Variants in CEP152 observed in about 807,000 individuals in gnomAD.
CEP152 encodes the protein centrosomal protein of 152 kDa.
A neutral mutation model predicts 188.9 loss-of-function variants in CEP152; 132 were observed. That is an observed-to-expected ratio of 0.70 (90% CI 0.61 to 0.81). CEP152 has a LOEUF of 0.81. CEP152 is among the 30% of genes least tolerant of loss of function. CEP152 has a pLI of 0.00. For missense variants in CEP152, 1,914 were observed against 1,969.8 expected, an observed-to-expected ratio of 0.97 and a Z score of 0.54; for synonymous variants, 649 against 666.6, an observed-to-expected ratio of 0.97 and a Z score of 0.41.
chr15:48,755,171 T>C (rs1040716072), intron 20 of CEP152, among the ~76,000 whole-genome samples: 8 of 152,216 alleles, frequency 5.3e-5, no homozygotes, highest in African/African-American at 1.9e-4. Flanking sequence ...AATTAAAAGC[T>C]GGTCTCAGAG....
intron 7 of CEP152, among the ~76,000 whole-genome samples, chr15:48,792,865 G>T (rs1161354062): frequency 6.6e-6 from 1 of 150,890 alleles, no homozygotes; most frequent in African/African-American, 2.4e-5. Context: ...CACCCAGCCT[G>T]AAGTGCAATG....
intron 2 of CEP152, among the ~76,000 whole-genome samples, chr15:48,805,214 T>C (rs1350777626): frequency 1.3e-5 from 2 of 152,212 alleles, no homozygotes. Context: ...GGATGTAAAC[T>C]ACCCAAAGCA....
chr15:48,791,727 G>T (rs1896998546), intron 7 of CEP152, among the ~76,000 whole-genome samples: 1 of 151,854 alleles, frequency 6.6e-6, no homozygotes, highest in South Asian at 2.1e-4. Flanking sequence ...ATATTGGCCA[G>T]GCTAGTCTCG....
At chr15:48,732,805 C>CAAGT (rs1343254796) in intron 2 of CEP152, among the ~76,000 whole-genome samples, 1 of 151,946 alleles carries the variant, frequency 6.6e-6, no homozygotes, top group Non-Finnish European at 1.5e-5. Context: ...TATTTTTAAA[C>CAAGT]AAGTAACTAT....
At chr15:48,748,070 T>G (rs1566979536) in intron 22 of CEP152, among the ~76,000 whole-genome samples, 1 of 152,168 alleles carries the variant, frequency 6.6e-6, no homozygotes. Context: ...TATTTGTTAA[T>G]CTGTTGTTAG....
At chr15:48,749,110 A>G (rs1054541749) in intron 21 of CEP152, among the ~76,000 whole-genome samples, 2 of 152,168 alleles carry the variant, frequency 1.3e-5, no homozygotes, top group Non-Finnish European at 2.9e-5. Flanking sequence ...CTAATGAAAT[A>G]TAGTAATGAA....
chr15:48,794,111 T>C (rs1247237138), intron 6 of CEP152, among the ~76,000 whole-genome samples: 1 of 152,134 alleles, frequency 6.6e-6, no homozygotes, highest in East Asian at 1.9e-4. Context: ...ATTTGGGTGA[T>C]GGGTTCACTA....
Position 48,738,815 on chromosome 15 carries a change from T to A in CEP152, c.4567A>T (p.Thr1523Ser). The change falls in exon 27 of 27, where the codon ACC becomes TCC. Residue 1523 changes from threonine (T) to serine (S), a missense_variant. Physicochemically the swap from Thr to Ser is moderately conservative, Grantham distance 58. Coordinates refer to ENST00000380950, the MANE Select transcript of CEP152 (RefSeq NM_001194998.2). ...AGTCTTTCATTAGAATCGCGAAAGG[T>A]TATATGCATGCATCCTGATTCAGAA... Reference protein sequence around the residue: ...GPSESGCMHITFRDSNERLGL... With the variant: ...GPSESGCMHISFRDSNERLGL... 6.2e-7 allele frequency: 1 copy of A among 1,614,172 alleles called. No homozygotes were observed. Among genetic ancestry groups the A allele is most frequent in the South Asian group, 1.1e-5 (1 of 91,084 alleles).
intron 20 of CEP152, among the ~76,000 whole-genome samples, chr15:48,753,728 A>G (rs1401494290): frequency 6.6e-6 from 1 of 152,230 alleles, no homozygotes; most frequent in African/African-American, 2.4e-5. Flanking sequence ...ATGGTAAAAG[A>G]GACAACATAC....
chr15:48,770,420 G>A (rs915011210), intron 13 of CEP152, among the ~76,000 whole-genome samples: 2 of 152,098 alleles, frequency 1.3e-5, no homozygotes, highest in Non-Finnish European at 2.9e-5. Context: ...AGGAAAATGG[G>A]AAGGCTAAAA....
At chr15:48,774,168 CAT>C (rs1484357434) in intron 12 of CEP152, among the ~76,000 whole-genome samples, 5 of 151,846 alleles carry the variant, frequency 3.3e-5, no homozygotes, top group East Asian at 1.9e-4. Flanking sequence ...TCAGTGAACA[CAT>C]AGATATAGAA....
At position 48,738,854 on chromosome 15, in the gene CEP152, A is replaced by G. The variant is rs1566971351; in HGVS notation, c.4528T>C (p.Cys1510Arg). ...GTLGNKPSPR[C>R]TPGPSESGCM... ...CCTGATTCAGAAGGACCAGGGGTAC[A>G]TCTAGGTGAGGGTTTATTTCCTAAG... The change falls in exon 27 of 27, where the codon TGT (cysteine) becomes CGT (arginine). Residue 1510 changes from cysteine to arginine, a missense_variant. Transcript: ENST00000380950. 1 of 1,614,218 alleles carries G rather than the reference A, an allele frequency of 6.2e-7. No individual in the cohort carries two copies. Among genetic ancestry groups the G allele is most frequent in the African/African-American group, 1.3e-5 (1 of 75,060 alleles).
At chr15:48,785,770 A>T (rs1896582291) in intron 9 of CEP152, among the ~76,000 whole-genome samples, 1 of 152,198 alleles carries the variant, frequency 6.6e-6, no homozygotes, top group Admixed American at 6.5e-5. Context: ...AAGATTGAGT[A>T]GCTCAATGTT....
intron 3 of CEP152, 34 bp downstream of exon 3, chr15:48,797,914 C>T (rs1382374032): frequency 6.5e-7 from 1 of 1,545,684 alleles, no homozygotes; most frequent in African/African-American, 1.4e-5. Flanking sequence ...TATAGAATTG[C>T]AATATACAAG....
chr15:48,740,016 C>A (rs1303849240), intron 26 of CEP152, among the ~76,000 whole-genome samples: 3 of 152,152 alleles, frequency 2.0e-5, no homozygotes, highest in Non-Finnish European at 4.4e-5. Flanking sequence ...GACTCATGGA[C>A]CCCTGAACAA....
Position 48,742,002 on chromosome 15 carries a change from G to A in CEP152, c.3934C>T (p.Arg1312Cys), listed in dbSNP as rs751031882. 4.6e-5 allele frequency: 74 copies of A among 1,613,946 alleles called. No individual in the cohort carries two copies. The Admixed American group carries it at 5.7e-4, about 12-fold the overall frequency. ...TGGAGGCAAATCAAATAATATTTGC[G>A]CATCTTTCGGGCGGTTTCTTGACGT... ...RERQETARKM[R>C]KYYLICLQQI... The change falls in exon 25 of 27, where the codon CGC (arginine) becomes TGC (cysteine). Residue 1312 changes from arginine to cysteine, a missense_variant. Coordinates refer to ENST00000380950, the MANE Select transcript of CEP152 (RefSeq NM_001194998.2).
intron 2 of CEP152, among the ~76,000 whole-genome samples, chr15:48,799,202 T>C (rs1383697345): frequency 6.6e-6 from 1 of 152,102 alleles, no homozygotes; most frequent in Non-Finnish European, 1.5e-5. Context: ...GCATTTTTTT[T>C]CCACTTTACC....
intron 17 of CEP152, among the ~76,000 whole-genome samples, chr15:48,766,207 C>G (rs1224776515): frequency 6.6e-6 from 1 of 152,190 alleles, no homozygotes; most frequent in Non-Finnish European, 1.5e-5. Flanking sequence ...TCCTCGCCTG[C>G]TCTTTACTAT....
chr15:48,810,742 G>C (rs1898278615), intron 1 of CEP152: 1 of 152,384 alleles, frequency 6.6e-6, no homozygotes, highest in Non-Finnish European at 1.5e-5. Flanking sequence ...AAACGAGGCG[G>C]GCTTCCCATA....
Sources: allele counts gnomAD v4.1 joint callset (sites outside exome capture counted in the v4.1 genomes callset), GRCh38; gene constraint gnomAD v4.1.1; transcripts MANE v1.5; gene names NCBI Gene and HGNC (gene_info 2026-07-23, HGNC 2026-07-21).